PDE4D: variants seen among roughly 807,000 people sequenced by gnomAD.
PDE4D encodes the protein 3',5'-cyclic-AMP phosphodiesterase 4D.
In PDE4D, 24 loss-of-function variants were observed where a neutral mutation model predicts 87.4. The ratio of observed to expected loss-of-function variants is 0.27; its 90% CI spans 0.20 to 0.39. PDE4D has a LOEUF of 0.39. PDE4D is among the 10% of genes least tolerant of loss of function. The pLI is 1.00. For missense variants in PDE4D, 714 were observed against 1,041.0 expected, an observed-to-expected ratio of 0.69 and a Z score of 4.32; for synonymous variants, 384 against 383.2, an observed-to-expected ratio of 1.00 and a Z score of -0.02.
rs183274027 is a variant in PDE4D, at chr5:60,497,165, A to T, written n.70+24886T>A. 9.8e-5 allele frequency among the ~76,000 whole-genome samples: 15 copies of T among 152,306 alleles called. No individual in the cohort carries two copies. In the East Asian group the frequency reaches 2.3e-3, roughly 24 times the overall value. Reference sequence around the variant, plus strand: ...AAGATTATACATTTCACATTTCAGTAAGTATCAGCCACCTGCCCTCCAAAA... The same window carrying T: ...AAGATTATACATTTCACATTTCAGTTAGTATCAGCCACCTGCCCTCCAAAA... On this transcript the variant is annotated intron_variant and non_coding_transcript_variant, in intron 1 of 2. Coordinates refer to the PDE4D transcript ENST00000506510.
chr5:59,364,355 T>C (rs1276551215), intron 1 of PDE4D, among the ~76,000 whole-genome samples: 18 of 150,036 alleles, frequency 1.2e-4, no homozygotes, highest in Admixed American at 1.1e-3. Flanking sequence ...ACCTCTAAAT[T>C]TTAGAGAATA....
intron 1 of PDE4D, among the ~76,000 whole-genome samples, chr5:60,311,736 T>C (rs1468017991): frequency 1.3e-5 from 2 of 152,180 alleles, no homozygotes; most frequent in African/African-American, 2.4e-5. Context: ...TGAGTGTAAA[T>C]GGGCTAAATG....
chr5:59,402,537 A>C (rs1200293603), intron 1 of PDE4D, among the ~76,000 whole-genome samples: 1 of 152,168 alleles, frequency 6.6e-6, no homozygotes, highest in Non-Finnish European at 1.5e-5. Context: ...TAAACCTATC[A>C]AAGATTAAAG....
intron 1 of PDE4D, among the ~76,000 whole-genome samples, chr5:59,732,424 A>ACACACACACT (rs1162082425): frequency 4.0e-5 from 6 of 151,670 alleles, no homozygotes; most frequent in African/African-American, 9.7e-5. Context: ...ACACACACAC[A>ACACACACACT]CACTCACTCA....
intron 1 of PDE4D, among the ~76,000 whole-genome samples, chr5:59,435,796 CAAG>C (rs978314065): frequency 6.6e-6 from 1 of 152,140 alleles, no homozygotes; most frequent in Non-Finnish European, 1.5e-5. Context: ...GTTACTTTCC[CAAG>C]AATAATAATT....
At chr5:60,074,996 C>T (rs964352545) in intron 2 of PDE4D, among the ~76,000 whole-genome samples, 2 of 152,124 alleles carry the variant, frequency 1.3e-5, no homozygotes, top group Admixed American at 6.5e-5. Context: ...GCATTTAGGA[C>T]ATTTACCTTG....
chr5:59,742,542 C>A (rs1386362173), intron 1 of PDE4D, among the ~76,000 whole-genome samples: 1 of 152,110 alleles, frequency 6.6e-6, no homozygotes, highest in African/African-American at 2.4e-5. Flanking sequence ...ATATAGTAAA[C>A]CAGGCTTTGA....
intron 1 of PDE4D, among the ~76,000 whole-genome samples, chr5:59,528,569 A>T (rs1358688900): frequency 6.6e-6 from 1 of 152,146 alleles, no homozygotes; most frequent in Non-Finnish European, 1.5e-5. Flanking sequence ...TTTCATTGAT[A>T]AATAACCCCA....
At chr5:59,269,016 A>G (rs903771027) in intron 1 of PDE4D, among the ~76,000 whole-genome samples, 5 of 152,106 alleles carry the variant, frequency 3.3e-5, no homozygotes, top group African/African-American at 1.2e-4. Context: ...CAGAGGAACT[A>G]CTAAGTGAGC....
chr5:60,007,427 A>G (rs1204355686), intron 2 of PDE4D, among the ~76,000 whole-genome samples: 24 of 152,034 alleles, frequency 1.6e-4, no homozygotes. Flanking sequence ...TGTCATCAAT[A>G]TGGACATAAG....
intron 1 of PDE4D, among the ~76,000 whole-genome samples, chr5:59,269,459 T>C (rs143770461): frequency 2.6e-5 from 4 of 152,274 alleles, no homozygotes; most frequent in South Asian, 2.1e-4. Context: ...CAAGGTCTTA[T>C]AAGGCAGAGG....
chr5:59,903,964 CA>C (rs1752553390), intron 3 of PDE4D, among the ~76,000 whole-genome samples: 1 of 152,084 alleles, frequency 6.6e-6, no homozygotes, highest in African/African-American at 2.4e-5. Context: ...ACTTTTTGGC[CA>C]AGTTTTACAG....
At chr5:59,536,160 C>T (rs1366171965) in intron 1 of PDE4D, among the ~76,000 whole-genome samples, 2 of 151,832 alleles carry the variant, frequency 1.3e-5, no homozygotes, top group African/African-American at 2.4e-5. Flanking sequence ...ATTGGATACA[C>T]GAAAATGGAA....
intron 1 of PDE4D, among the ~76,000 whole-genome samples, chr5:59,524,458 G>T (rs1812733418): frequency 6.6e-6 from 1 of 152,168 alleles, no homozygotes. Flanking sequence ...GTGAATTAGA[G>T]AGATGATTTA....
chr5:59,687,970 G>T lies in PDE4D; in HGVS notation c.455+205198C>A, dbSNP rs181810752. On this transcript the variant is annotated intron_variant, in intron 1 of 14. Coordinates refer to ENST00000340635, the MANE Select transcript of PDE4D (RefSeq NM_001104631.2). ...ACCAACAAAGATCAAAAGAGACAAA[G>T]AAGGCCATTACGTAATGGTAAAGGG... Among the ~76,000 whole-genome samples the T allele has an allele frequency of 7.9e-4, 120 of 152,260 alleles. 2 individuals carry two copies. The East Asian group carries it at 0.021, about 27-fold the overall frequency.
intron 5 of PDE4D, among the ~76,000 whole-genome samples, chr5:59,161,991 T>C (rs1219114368): frequency 6.6e-6 from 1 of 152,224 alleles, no homozygotes; most frequent in Non-Finnish European, 1.5e-5. Flanking sequence ...CTACCCTTCT[T>C]TGAAGGTCTG....
At chr5:59,639,940 T>C (rs1258091977) in intron 1 of PDE4D, among the ~76,000 whole-genome samples, 1 of 151,816 alleles carries the variant, frequency 6.6e-6, no homozygotes, top group Non-Finnish European at 1.5e-5. Context: ...ACAGTTCTTT[T>C]TTTTTTTTTA....
chr5:59,158,266 G>A (rs938473322), intron 5 of PDE4D, among the ~76,000 whole-genome samples: 6 of 152,180 alleles, frequency 3.9e-5, no homozygotes, highest in African/African-American at 1.4e-4. Context: ...GCATCTCCAA[G>A]TCACAGTATG....
chr5:59,716,090 A>G (rs1754977434), intron 1 of PDE4D, among the ~76,000 whole-genome samples: 1 of 152,206 alleles, frequency 6.6e-6, no homozygotes, highest in African/African-American at 2.4e-5. Context: ...GTGTAAGGAA[A>G]ATGGATGTGC....
Sources: gnomAD v4.1 joint callset for allele counts (sites outside exome capture counted in the v4.1 genomes callset) on GRCh38, gnomAD v4.1.1 for gene constraint, MANE v1.5 for transcripts, NCBI Gene and HGNC (gene_info 2026-07-23, HGNC 2026-07-21) for gene names.